Variants in IMMP1L observed in about 807,000 individuals in gnomAD.
The protein encoded by IMMP1L is mitochondrial inner membrane protease subunit 1.
A neutral mutation model predicts 21.8 loss-of-function variants in IMMP1L; 24 were observed. That is an observed-to-expected ratio of 1.10 (90% CI 0.80 to 1.55). The LOEUF (loss-of-function observed/expected upper bound fraction) is 1.55, where lower values mean the gene tolerates loss of function less well. Ranked by LOEUF, IMMP1L falls within the 40% of genes most tolerant of loss-of-function variation. The pLI is 0.00. For synonymous variants in IMMP1L, 46 were observed against 62.8 expected (o/e 0.73, Z 1.26); for missense variants, 195 against 200.7 (o/e 0.97, Z 0.17).
chr11:31,507,146 A>G (rs1308691994), intron 1 of IMMP1L, among the ~76,000 whole-genome samples: 1 of 147,610 alleles, frequency 6.8e-6, no homozygotes, highest in Non-Finnish European at 1.5e-5. Context: ...GGGCGTGGTG[A>G]CGGGCGCCTG....
intron 2 of IMMP1L, among the ~76,000 whole-genome samples, chr11:31,461,130 C>T (rs1031581776): frequency 5.3e-5 from 8 of 152,134 alleles, no homozygotes; most frequent in African/African-American, 1.7e-4. Flanking sequence ...TTTCTTATTA[C>T]TATCAGATAT....
rs1289646853 is a variant in IMMP1L at position 31,433,580 on chromosome 11, G to C, written c.322-10C>G. 6.5e-7 allele frequency: 1 copy of C among 1,526,728 alleles called. No individual in the cohort carries two copies. The highest frequency in any genetic ancestry group is 2.3e-5 in the East Asian group (1 of 44,348). The allele number at this position is 1,526,728 out of a possible 1,614,324, so 94.6% of individuals were successfully genotyped here. A position where few individuals can be genotyped will look rare whatever the true frequency, so the allele number is the denominator to read the frequency against. On this transcript the variant is annotated splice_polypyrimidine_tract_variant and intron_variant, in intron 4 of 5. Coordinates refer to ENST00000532287, the MANE Select transcript of IMMP1L (RefSeq NM_001304274.2). ...CATGACCCATTGGCACCTAGAATTA[G>C]AGAAGAAATGCAGCCTCTTAAAGAT...
intron 1 of IMMP1L, among the ~76,000 whole-genome samples, chr11:31,487,382 G>A (rs1334182435): frequency 6.6e-6 from 1 of 152,024 alleles, no homozygotes; most frequent in African/African-American, 2.4e-5. Flanking sequence ...AATTCCAAAT[G>A]ATATTCAGGT....
intron 1 of IMMP1L, among the ~76,000 whole-genome samples, chr11:31,467,691 A>T (rs1303243052): frequency 6.6e-6 from 1 of 152,104 alleles, no homozygotes; most frequent in Non-Finnish European, 1.5e-5. Context: ...GTAATAATTG[A>T]CTCAGACAAG....
At chr11:31,471,227 T>C (rs1393252143) in intron 1 of IMMP1L, among the ~76,000 whole-genome samples, 1 of 152,220 alleles carries the variant, frequency 6.6e-6, no homozygotes, top group East Asian at 1.9e-4. Context: ...GTACCATAAC[T>C]GTACACAATT....
chr11:31,488,213 T>C (rs561161763), intron 1 of IMMP1L: 2 of 152,018 alleles, frequency 1.3e-5, no homozygotes, highest in African/African-American at 4.8e-5. Flanking sequence ...TCTTAAAGCA[T>C]AGGTGGGTGA....
intron 4 of IMMP1L, among the ~76,000 whole-genome samples, chr11:31,453,424 A>G (rs1953826398): frequency 6.6e-6 from 1 of 152,228 alleles, no homozygotes; most frequent in African/African-American, 2.4e-5. Flanking sequence ...CAGCTCAATC[A>G]AGATATGAAT....
intron 1 of IMMP1L, among the ~76,000 whole-genome samples, chr11:31,465,604 C>T (rs1954307700): frequency 1.3e-5 from 2 of 152,028 alleles, no homozygotes; most frequent in Admixed American, 1.3e-4. Flanking sequence ...AACACATAGA[C>T]CAATGGGACA....
chr11:31,502,883 CTT>C (rs1955666016), intron 1 of IMMP1L, among the ~76,000 whole-genome samples: 1 of 152,170 alleles, frequency 6.6e-6, no homozygotes, highest in African/African-American at 2.4e-5. Context: ...ATTAAAAACA[CTT>C]TGTTTGCCTT....
chr11:31,498,154 G>A (rs1025134896), intron 1 of IMMP1L, among the ~76,000 whole-genome samples: 2 of 152,084 alleles, frequency 1.3e-5, no homozygotes, highest in Non-Finnish European at 2.9e-5. Context: ...ATACCAAATG[G>A]ACTATAAAAT....
At chr11:31,496,832 C>T (rs1955455237) in intron 1 of IMMP1L, among the ~76,000 whole-genome samples, 1 of 147,156 alleles carries the variant, frequency 6.8e-6, no homozygotes, top group Non-Finnish European at 1.5e-5. Context: ...ATTATATAAT[C>T]TATAATTTTA....
At chr11:31,453,807 T>C (rs1208960171) in intron 4 of IMMP1L, among the ~76,000 whole-genome samples, 1 of 152,206 alleles carries the variant, frequency 6.6e-6, no homozygotes, top group East Asian at 1.9e-4. Flanking sequence ...CTGTGTTTTT[T>C]TAAAAATAAT....
intron 1 of IMMP1L, among the ~76,000 whole-genome samples, chr11:31,474,526 ATC>A (rs928482631): frequency 6.6e-6 from 1 of 152,116 alleles, no homozygotes; most frequent in Non-Finnish European, 1.5e-5. Flanking sequence ...TTTTATTAAA[ATC>A]TGTTTATTTT....
At chr11:31,502,891 G>A (rs1428258391) in intron 1 of IMMP1L, among the ~76,000 whole-genome samples, 6 of 152,058 alleles carry the variant, frequency 3.9e-5, no homozygotes, top group African/African-American at 1.4e-4. Context: ...CACTTTGTTT[G>A]CCTTTATTTT....
intron 1 of IMMP1L, among the ~76,000 whole-genome samples, chr11:31,504,030 A>G (rs919861772): frequency 6.6e-6 from 1 of 152,250 alleles, no homozygotes; most frequent in Non-Finnish European, 1.5e-5. Flanking sequence ...CCAATACAGG[A>G]AAAATAAACA....
At chr11:31,506,990 C>A (rs930489059) in intron 1 of IMMP1L, among the ~76,000 whole-genome samples, 4 of 147,500 alleles carry the variant, frequency 2.7e-5, no homozygotes, top group East Asian at 2.1e-4. Flanking sequence ...AAACAAAAAA[C>A]CCATATTTGG....
intron 1 of IMMP1L, among the ~76,000 whole-genome samples, chr11:31,489,523 A>C (rs1955188124): frequency 6.6e-6 from 1 of 151,984 alleles, no homozygotes; most frequent in African/African-American, 2.4e-5. Flanking sequence ...GCTGAGAGAA[A>C]CTCTGATATA....
chr11:31,436,641 A>T (rs1347606841), intron 4 of IMMP1L, among the ~76,000 whole-genome samples: 2 of 152,106 alleles, frequency 1.3e-5, no homozygotes, highest in Non-Finnish European at 2.9e-5. Context: ...CATGTTGGCC[A>T]GGCTGGTCTT....
At chr11:31,471,566 G>A (rs761386243) in intron 1 of IMMP1L, among the ~76,000 whole-genome samples, 3 of 152,062 alleles carry the variant, frequency 2.0e-5, no homozygotes, top group Admixed American at 6.6e-5. Flanking sequence ...AACAAAGGCC[G>A]ACAGATTGGG....
Sources: allele counts gnomAD v4.1 joint callset (sites outside exome capture counted in the v4.1 genomes callset), GRCh38; gene constraint gnomAD v4.1.1; transcripts MANE v1.5; gene names NCBI Gene and HGNC (gene_info 2026-07-23, HGNC 2026-07-21).